The following POLE2 variants were observed in gnomAD, a reference collection of about 807,000 sequenced individuals.
POLE2 encodes the protein DNA polymerase epsilon 2, accessory subunit, also known as DNA polymerase epsilon subunit 2.
Under a neutral mutation model 79.4 loss-of-function variants are expected in POLE2, and 56 were observed. The ratio of observed to expected loss-of-function variants is 0.71; its 90% CI spans 0.57 to 0.88. POLE2 has a LOEUF of 0.88. Among genes scored for constraint, POLE2 ranks in the 40% least tolerant of loss-of-function variants. POLE2 has a pLI of 0.00. For missense variants in POLE2, 598 were observed against 638.9 expected (o/e 0.94, Z 0.69); for synonymous variants, 212 against 214.0 (o/e 0.99, Z 0.08).
chr14:49,651,958 T>C (rs1276297018), intron 15 of POLE2, among the ~76,000 whole-genome samples: 1 of 151,918 alleles, frequency 6.6e-6, no homozygotes, highest in African/African-American at 2.4e-5. Flanking sequence ...CTAGTGTGGC[T>C]GGAGTAAATG....
intron 2 of POLE2, among the ~76,000 whole-genome samples, chr14:49,681,689 G>A (rs572255452): frequency 2.3e-4 from 35 of 152,104 alleles, no homozygotes; most frequent in Admixed American, 1.5e-3. Context: ...CAGAAGAATC[G>A]CTTGAACCCG....
chr14:49,682,710 C>T (rs944372500), intron 2 of POLE2, among the ~76,000 whole-genome samples: 1 of 147,504 alleles, frequency 6.8e-6, no homozygotes, highest in Non-Finnish European at 1.5e-5. Context: ...CCTTCCAACT[C>T]TGTTTAGTGT....
At chr14:49,674,865 C>T (rs906888099) in intron 3 of POLE2, among the ~76,000 whole-genome samples, 2 of 151,930 alleles carry the variant, frequency 1.3e-5, no homozygotes, top group African/African-American at 2.4e-5. Context: ...CATGCCCAGC[C>T]CATAATTTCT....
At chr14:49,656,191 TAACA>T (rs1375785714) in intron 10 of POLE2, among the ~76,000 whole-genome samples, 1 of 151,766 alleles carries the variant, frequency 6.6e-6, no homozygotes, top group African/African-American at 2.4e-5. Flanking sequence ...CCATCTCTAC[TAACA>T]ATACAAAAAA....
At chr14:49,663,465 T>A (rs1885238174) in intron 9 of POLE2, 78 bp from the exon 10 acceptor site, 2 of 952,830 alleles carry the variant, frequency 2.1e-6, no homozygotes, top group Non-Finnish European at 3.2e-6. Context: ...AACAAAGCAA[T>A]AATGCCAGGC....
intron 1 of POLE2, among the ~76,000 whole-genome samples, chr14:49,685,556 T>C (rs1350925112): frequency 6.6e-6 from 1 of 151,970 alleles, no homozygotes; most frequent in East Asian, 1.9e-4. Context: ...TGCTTTAGGG[T>C]CTTTATATGG....
chr14:49,665,328 C>T (rs1320178218), intron 7 of POLE2, among the ~76,000 whole-genome samples, 165 bp from the exon 8 acceptor site: 1 of 152,056 alleles, frequency 6.6e-6, no homozygotes, highest in African/African-American at 2.4e-5. Context: ...GTCTGATAAC[C>T]CCAGACTAAT....
chr14:49,687,300 C>CCACACACACACACACACCACACA (rs1887215557), intron 1 of POLE2, among the ~76,000 whole-genome samples: 1 of 139,744 alleles, frequency 7.2e-6, no homozygotes, highest in Non-Finnish European at 1.5e-5. Flanking sequence ...TACACACACA[C>CCACACACACACACACACCACACA]CACACACACA....
At chr14:49,670,378 G>A (rs1428770095) in intron 5 of POLE2, among the ~76,000 whole-genome samples, 2 of 147,214 alleles carry the variant, frequency 1.4e-5, no homozygotes, top group African/African-American at 5.0e-5. Context: ...AAGAGTTAGA[G>A]TATTTAGGAA....
At chr14:49,644,659 G>A (rs1883631641) in intron 18 of POLE2, among the ~76,000 whole-genome samples, 1 of 151,940 alleles carries the variant, frequency 6.6e-6, no homozygotes. Flanking sequence ...CTTCTTTGAG[G>A]CTTAGAAATT....
chr14:49,650,141 T>C, intron 17 of POLE2, 124 bp downstream of exon 17: 2 of 507,806 alleles, frequency 3.9e-6, no homozygotes, highest in Non-Finnish European at 6.1e-6. Flanking sequence ...GAAACTTAAT[T>C]CAGTGTTTCA....
At chr14:49,673,892 T>TA (rs1886066261) in intron 5 of POLE2, among the ~76,000 whole-genome samples, 1 of 152,224 alleles carries the variant, frequency 6.6e-6, no homozygotes, top group Non-Finnish European at 1.5e-5. Flanking sequence ...TATTAAATAG[T>TA]AACTACTATT....
At chr14:49,675,525 G>A (rs562636242) in intron 3 of POLE2, among the ~76,000 whole-genome samples, 5 of 151,144 alleles carry the variant, frequency 3.3e-5, no homozygotes, top group East Asian at 3.9e-4. Context: ...TCTTCCTCCC[G>A]GCCTCAAGCG....
chr14:49,661,234 A>G (rs1594580427), intron 10 of POLE2, among the ~76,000 whole-genome samples: 1 of 152,226 alleles, frequency 6.6e-6, no homozygotes, highest in Middle Eastern at 3.4e-3. Flanking sequence ...CTAAACTGAT[A>G]TCTACTGCAC....
At chr14:49,657,524 T>G (rs1884784568) in intron 10 of POLE2, among the ~76,000 whole-genome samples, 1 of 151,688 alleles carries the variant, frequency 6.6e-6, no homozygotes, top group South Asian at 2.1e-4. Flanking sequence ...CACTGCAACC[T>G]TCATCTCCCG....
At position 49,664,666 on chromosome 14, in the gene POLE2, A is replaced by G. The variant is rs1260298064; in HGVS notation, c.642T>C (p.His214=). The G allele has an allele frequency of 5.7e-6, 9 of 1,588,502 alleles. No homozygotes were observed. Among genetic ancestry groups the G allele is most frequent in the African/African-American group, 1.3e-5 (1 of 74,564 alleles). The change falls in exon 9 of 19, where the codon CAT becomes CAC. Residue 214 remains histidine (H), a synonymous_variant. Transcript: ENST00000216367. ...AGCATGCCTCTGTGTATAAACCACTATGGAACTGGTACACAACAGTTGAGG... is the reference window on the plus strand; with the variant it reads ...AGCATGCCTCTGTGTATAAACCACTGTGGAACTGGTACACAACAGTTGAGG... ...VQLDLSKAQF[H]SGLYTEACFV... is the part of the protein sequence containing the mutation.
intron 2 of POLE2, among the ~76,000 whole-genome samples, chr14:49,680,994 T>C (rs1054151884): frequency 3.3e-5 from 5 of 152,200 alleles, no homozygotes; most frequent in African/African-American, 1.2e-4. Context: ...CCTTTAGGAA[T>C]GAAAATGAGA....
At chr14:49,682,640 G>GGAAAAAAAAAAAAAAA (rs1373991966) in intron 2 of POLE2, among the ~76,000 whole-genome samples, 74 of 60,972 alleles carry the variant, frequency 1.2e-3, no homozygotes, top group African/African-American at 3.9e-3. Context: ...CCTTCTCAGG[G>GGAAAAAAAAAAAAAAA]AAAAAAAAAA....
At chr14:49,647,399 CTT>C (rs3218792) in intron 17 of POLE2, 39 bp from the exon 18 acceptor site, 1 of 873,044 alleles carries the variant, frequency 1.1e-6, no homozygotes, top group Non-Finnish European at 1.7e-6. Context: ...AATGCTCAGA[CTT>C]TTTTTTAAAA....
Sources: gnomAD v4.1 joint callset for allele counts (sites outside exome capture counted in the v4.1 genomes callset) on GRCh38, gnomAD v4.1.1 for gene constraint, MANE v1.5 for transcripts, NCBI Gene and HGNC (gene_info 2026-07-23, HGNC 2026-07-21) for gene names.